SLC8A3: variants seen among roughly 807,000 people sequenced by gnomAD.
SLC8A3 encodes the protein solute carrier family 8 member A3, also known as sodium/calcium exchanger 3.
Under a neutral mutation model 65.4 loss-of-function variants are expected in SLC8A3, and 37 were observed. That is an observed-to-expected ratio of 0.57 (90% CI 0.44 to 0.74). The LOEUF is 0.74. Among genes scored for constraint, SLC8A3 ranks in the 30% least tolerant of loss-of-function variants. SLC8A3 has a pLI of 0.00. For synonymous variants in SLC8A3, 461 were observed against 444.5 expected (o/e 1.04, Z -0.47); for missense variants, 1,112 against 1,172.1 (o/e 0.95, Z 0.75).
chr14:70,138,100 C>T (rs1302482081), intron 2 of SLC8A3, among the ~76,000 whole-genome samples: 2 of 152,128 alleles, frequency 1.3e-5, no homozygotes, highest in African/African-American at 4.8e-5. Context: ...AGTGTCCCTG[C>T]TCACACTGAC....
chr14:70,144,701 T>C (rs1895817201), intron 2 of SLC8A3, among the ~76,000 whole-genome samples: 1 of 152,166 alleles, frequency 6.6e-6, no homozygotes, highest in East Asian at 1.9e-4. Flanking sequence ...AAGAAGTCTC[T>C]TGGAGTGCCT....
chr14:70,166,974 C>T lies in SLC8A3; in HGVS notation c.1449G>A (p.Arg483=), dbSNP rs1897203871. ...IFEEDEHFFV[R]LSNVRIEEEQ... is the part of the protein sequence containing the mutation. Reference sequence around the variant, plus strand: ...CCTCCTCTATGCGGACATTGCTCAACCTTACAAAGAAGTGTTCATCCTCCT... The same window carrying T: ...CCTCCTCTATGCGGACATTGCTCAATCTTACAAAGAAGTGTTCATCCTCCT... The change falls in exon 2 of 7, where the codon AGG becomes AGA. Residue 483 remains arginine, a synonymous_variant. Coordinates refer to ENST00000356921, the MANE Select transcript of SLC8A3 (RefSeq NM_182932.3). The T allele has an allele frequency of 1.9e-6, 3 of 1,614,156 alleles. No individual in the cohort carries two copies. Among genetic ancestry groups the T allele is most frequent in the African/African-American group, 2.7e-5 (2 of 75,038 alleles).
intron 2 of SLC8A3, among the ~76,000 whole-genome samples, chr14:70,079,393 C>T (rs1045888106): frequency 4.0e-5 from 6 of 149,906 alleles, no homozygotes; most frequent in Non-Finnish European, 7.4e-5. Flanking sequence ...ATCCCAGCTA[C>T]TCAGGAAGCT....
At chr14:70,135,581 G>C (rs1044630855) in intron 2 of SLC8A3, among the ~76,000 whole-genome samples, 9 of 152,118 alleles carry the variant, frequency 5.9e-5, no homozygotes, top group Non-Finnish European at 1.2e-4. Flanking sequence ...ATAAGATCCT[G>C]TCATTTGCAG....
intron 2 of SLC8A3, among the ~76,000 whole-genome samples, chr14:70,082,122 G>A (rs1236518426): frequency 6.6e-6 from 1 of 152,146 alleles, no homozygotes; most frequent in Admixed American, 6.5e-5. Context: ...CACCCAGCTA[G>A]GAAGTGACAG....
At position 70,167,158 on chromosome 14, in the gene SLC8A3, C is replaced by G; in HGVS notation, c.1265G>C (p.Gly422Ala). The change falls in exon 2 of 7, where the codon GGG (glycine) becomes GCG (alanine). Residue 422 changes from glycine to alanine, a missense_variant. Physicochemically the swap from Gly to Ala is moderately conservative, Grantham distance 60. Coordinates refer to ENST00000356921, the MANE Select transcript of SLC8A3 (RefSeq NM_182932.3). ...GAVLLTVVRK[G>A]GDMSKTMYVD... is the part of the protein sequence containing the mutation. Reference sequence around the variant, plus strand: ...ATACATGGTCTTTGACATGTCTCCCCCTTTCCTCACCACTGTCAGGAGTAC... The same window carrying G: ...ATACATGGTCTTTGACATGTCTCCCGCTTTCCTCACCACTGTCAGGAGTAC... 6.2e-7 allele frequency: 1 copy of G among 1,614,182 alleles called. No individual in the cohort carries two copies. Among genetic ancestry groups the G allele is most frequent in the East Asian group, 2.2e-5 (1 of 44,886 alleles).
At position 70,167,685 on chromosome 14, in the gene SLC8A3, A is replaced by G; in HGVS notation, c.738T>C (p.Leu246=). The G allele has an allele frequency of 6.2e-7, 1 of 1,614,182 alleles. No homozygotes were observed. Among genetic ancestry groups the G allele is most frequent in the Non-Finnish European group, 8.5e-7 (1 of 1,180,022 alleles). Residue 246 remains leucine (L), a synonymous_variant, in exon 2 of 7, where the codon CTT becomes CTC. Coordinates refer to ENST00000356921, the MANE Select transcript of SLC8A3 (RefSeq NM_182932.3). The part of the protein sequence containing the change: ...LTLFFFPVCV[L]LAWVADKRLL... The stretch of plus-strand genomic sequence containing the variant: ...GTCGTTTATCTGCCACCCAGGCCAG[A>G]AGGACACACACTGGAAAGAAGAAGA...
chr14:70,123,556 TCTCCGGC>T (rs1894228849), intron 2 of SLC8A3, among the ~76,000 whole-genome samples: 2 of 151,754 alleles, frequency 1.3e-5, no homozygotes, highest in Admixed American at 6.6e-5. Context: ...TTCAAGCAAT[TCTCCGGC>T]CTCAGCCTCC....
intron 3 of SLC8A3, chr14:70,059,492 C>G (rs1888526606): frequency 6.6e-6 from 1 of 152,184 alleles, no homozygotes; most frequent in Non-Finnish European, 1.5e-5. Context: ...GCACCCTAAC[C>G]CATTCCCACA....
At chr14:70,060,355 G>C (rs1888645922) in intron 3 of SLC8A3, 3 of 288,808 alleles carry the variant, frequency 1.0e-5, no homozygotes, top group African/African-American at 2.2e-5. Flanking sequence ...AAAGAGTGAG[G>C]GGTGGCAGGG....
chr14:70,138,112 G>A (rs1238617701), intron 2 of SLC8A3, among the ~76,000 whole-genome samples: 4 of 152,006 alleles, frequency 2.6e-5, no homozygotes, highest in Non-Finnish European at 5.9e-5. Flanking sequence ...CACACTGACA[G>A]TGTAACCCTT....
chr14:70,097,767 C>T (rs1262402486), intron 2 of SLC8A3, among the ~76,000 whole-genome samples: 4 of 152,034 alleles, frequency 2.6e-5, no homozygotes, highest in African/African-American at 9.7e-5. Context: ...TGCAAACAAC[C>T]ACTCCAGCCT....
intron 3 of SLC8A3, among the ~76,000 whole-genome samples, chr14:70,052,603 T>A (rs902203763): frequency 6.3e-5 from 2 of 31,508 alleles, no homozygotes; most frequent in Admixed American, 2.0e-4. Context: ...TGTTGAACAG[T>A]TTTTTTGTTT....
At chr14:70,070,699 C>A (rs1345219996) in intron 2 of SLC8A3, among the ~76,000 whole-genome samples, 1 of 152,098 alleles carries the variant, frequency 6.6e-6, no homozygotes, top group African/African-American at 2.4e-5. Context: ...GTGATCACCC[C>A]ATTCCTGGTA....
intron 2 of SLC8A3, among the ~76,000 whole-genome samples, chr14:70,084,716 T>C (rs548724345): frequency 1.3e-5 from 2 of 152,280 alleles, no homozygotes; most frequent in East Asian, 3.9e-4. Flanking sequence ...ACTTGGAAAA[T>C]ATCCATTGAG....
At chr14:70,079,778 T>C (rs916628344) in intron 2 of SLC8A3, among the ~76,000 whole-genome samples, 1 of 152,244 alleles carries the variant, frequency 6.6e-6, no homozygotes, top group Non-Finnish European at 1.5e-5. Context: ...AATAATTTAG[T>C]TGAGCTCTGG....
chr14:70,061,274 G>A lies in SLC8A3; in HGVS notation c.1785-335C>T, dbSNP rs149521753. On this transcript the variant is annotated intron_variant, in intron 2 of 6. Transcript: ENST00000356921. ...GTGAGGAGGAGTCATTTTAGACCTT[G>A]CCAACAGTTAGTAGGAAGTGAGTCA... 4.8e-3 allele frequency among the ~76,000 whole-genome samples: 729 copies of A among 152,194 alleles called. 5 individuals are homozygous for A. The highest frequency in any genetic ancestry group is 0.016 in the African/African-American group (681 of 41,484).
intron 2 of SLC8A3, among the ~76,000 whole-genome samples, chr14:70,150,905 T>C (rs149373352): frequency 2.9e-3 from 438 of 152,240 alleles, no homozygotes; most frequent in Non-Finnish European, 5.0e-3. Context: ...AAAGCAGAAA[T>C]GAGCAATGCA....
At position 70,045,865 on chromosome 14, in the gene SLC8A3, T is replaced by C. The variant is rs1283323057; in HGVS notation, c.*82A>G. 1.2e-5 allele frequency: 16 copies of C among 1,352,640 alleles called. No homozygotes were observed. Among genetic ancestry groups the C allele is most frequent in the Non-Finnish European group, 1.6e-5 (16 of 1,005,720 alleles). The allele number at this position is 1,352,640 out of a possible 1,614,324, so 83.8% of individuals were successfully genotyped here. ...ATGCTGCCTCTCCAGGGCAGTGCAG[T>C]CGGGAGAGATCACTGGTGGGGAAGT... On this transcript the variant is annotated 3_prime_UTR_variant, in exon 7 of 7. Transcript: ENST00000356921.
Sources: gnomAD v4.1 joint callset for allele counts (sites outside exome capture counted in the v4.1 genomes callset) on GRCh38, gnomAD v4.1.1 for gene constraint, MANE v1.5 for transcripts, NCBI Gene and HGNC (gene_info 2026-07-23, HGNC 2026-07-21) for gene names.